DACH2: variants seen among roughly 807,000 people sequenced by gnomAD.
DACH2 encodes the protein dachshund family transcription factor 2, also known as dachshund homolog 2.
Under a neutral mutation model 35.8 loss-of-function variants are expected in DACH2, and 17 were observed. The observed-to-expected ratio is 0.48, with a 90% confidence interval of 0.33 to 0.71. The LOEUF is 0.71. DACH2 is among the 30% of genes least tolerant of loss of function. The pLI is 0.02. For missense variants in DACH2, 469 were observed against 472.7 expected (o/e 0.99, Z 0.07); for synonymous variants, 195 against 177.3 (o/e 1.10, Z -0.79).
intron 3 of DACH2, among the ~76,000 whole-genome samples, chrX:86,576,868 C>T (rs866634153): frequency 6.3e-5 from 7 of 110,794 alleles, no homozygotes; most frequent in Admixed American, 9.7e-5. Flanking sequence ...CACTTCCTCC[C>T]TTCCCATATA....
intron 6 of DACH2, among the ~76,000 whole-genome samples, chrX:86,724,264 T>C (rs2148467688): frequency 9.0e-6 from 1 of 110,588 alleles, no homozygotes; most frequent in South Asian, 3.8e-4. Context: ...CTCTTTCTCC[T>C]TTGTATGACT....
chrX:86,776,492 C>G (rs1168909363), intron 7 of DACH2, among the ~76,000 whole-genome samples: 1 of 112,113 alleles, frequency 8.9e-6, no homozygotes, highest in Non-Finnish European at 1.9e-5. Flanking sequence ...GAATGGTGTA[C>G]AAATGGGAAA....
intron 2 of DACH2, among the ~76,000 whole-genome samples, chrX:86,440,232 T>C (rs1175506973): frequency 1.8e-5 from 2 of 111,459 alleles, no homozygotes; most frequent in East Asian, 5.6e-4. Context: ...AGTCTCCTGC[T>C]CTAATAGTTG....
chrX:86,298,745 C>CA (rs1434972102), intron 1 of DACH2, among the ~76,000 whole-genome samples: 1 of 111,846 alleles, frequency 8.9e-6, no homozygotes, highest in Non-Finnish European at 1.9e-5. Context: ...ATTATTTTTA[C>CA]AAAAAAGGTT....
chrX:86,384,302 A>G (rs1382487163), intron 2 of DACH2, among the ~76,000 whole-genome samples: 1 of 111,620 alleles, frequency 9.0e-6, no homozygotes, highest in African/African-American at 3.2e-5. Flanking sequence ...CCTATTCTTA[A>G]AAGTTTGTCA....
Position 86,750,780 on chromosome X carries a change from T to A in DACH2, c.1240+10898T>A, listed in dbSNP as rs190760957. ...ACATATGGCAAGACTTCTGTCTTTT[T>A]TAAGGCTGAATAATATTTTATTGTA... On this transcript the variant is annotated intron_variant, in intron 7 of 11. Transcript: ENST00000373125. Among the ~76,000 whole-genome samples, 400 of 112,003 alleles carry A rather than the reference T, an allele frequency of 3.6e-3. 2 individuals carry two copies. The highest frequency in any genetic ancestry group is 0.012 in the African/African-American group (384 of 30,888).
At chrX:86,314,659 G>A (rs2034863160) in intron 1 of DACH2, among the ~76,000 whole-genome samples, 1 of 112,457 alleles carries the variant, frequency 8.9e-6, no homozygotes, top group Non-Finnish European at 1.9e-5. Context: ...AGTTAAAAAT[G>A]CTACATCAGT....
At chrX:86,254,381 A>G (rs1298107775) in intron 1 of DACH2, among the ~76,000 whole-genome samples, 2 of 110,317 alleles carry the variant, frequency 1.8e-5, no homozygotes. Flanking sequence ...CTTGTTTGTT[A>G]CCTTTCTAGA....
chrX:86,201,182 G>A (rs1216217075), intron 1 of DACH2, among the ~76,000 whole-genome samples: 1 of 109,158 alleles, frequency 9.2e-6, no homozygotes, highest in Non-Finnish European at 1.9e-5. Context: ...AAAGTAACAC[G>A]GGAAGAGAAA....
chrX:86,151,086 A>C (rs1385149098), intron 1 of DACH2, among the ~76,000 whole-genome samples: 4 of 111,418 alleles, frequency 3.6e-5, no homozygotes, highest in Non-Finnish European at 5.7e-5. Context: ...TATGATTTTG[A>C]TACTTTTCTC....
chrX:86,625,049 C>T (rs748766298), intron 3 of DACH2, among the ~76,000 whole-genome samples: 1 of 111,272 alleles, frequency 9.0e-6, no homozygotes, highest in East Asian at 2.8e-4. Context: ...TTAGTATGCC[C>T]GTTAGCAACC....
At chrX:86,222,854 A>G (rs1159288097) in intron 1 of DACH2, among the ~76,000 whole-genome samples, 3 of 110,950 alleles carry the variant, frequency 2.7e-5, no homozygotes, top group African/African-American at 9.8e-5. Context: ...GAAAGAAAGA[A>G]GGGAAATTAC....
At chrX:86,601,935 T>C (rs2039794922) in intron 3 of DACH2, among the ~76,000 whole-genome samples, 2 of 112,074 alleles carry the variant, frequency 1.8e-5, no homozygotes, top group Non-Finnish European at 3.8e-5. Flanking sequence ...TCTATAGTTA[T>C]TGATAAATGA....
At chrX:86,586,839 G>C (rs2039578067) in intron 3 of DACH2, among the ~76,000 whole-genome samples, 1 of 111,697 alleles carries the variant, frequency 9.0e-6, no homozygotes, top group South Asian at 3.7e-4. Flanking sequence ...AGTACAGTTT[G>C]AAGGCAGTTA....
At chrX:86,304,105 G>T (rs765378380) in intron 1 of DACH2, among the ~76,000 whole-genome samples, 2 of 112,096 alleles carry the variant, frequency 1.8e-5, no homozygotes, top group South Asian at 3.7e-4. Flanking sequence ...TTTGTGCCAA[G>T]AACACACAAT....
At chrX:86,212,866 T>A (rs894158433) in intron 1 of DACH2, among the ~76,000 whole-genome samples, 5 of 111,254 alleles carry the variant, frequency 4.5e-5, no homozygotes, top group African/African-American at 1.6e-4. Context: ...TTGCAGTCTA[T>A]TTTTTACTGC....
intron 1 of DACH2, among the ~76,000 whole-genome samples, chrX:86,181,874 A>G (rs2031505594): frequency 2.7e-5 from 3 of 112,015 alleles, no homozygotes; most frequent in African/African-American, 9.8e-5. Context: ...AATGGTCACC[A>G]TTCTAACTGG....
intron 4 of DACH2, among the ~76,000 whole-genome samples, chrX:86,672,993 C>T: frequency 8.9e-6 from 1 of 112,027 alleles, no homozygotes; most frequent in Non-Finnish European, 1.9e-5. Context: ...GTCTTGGAAG[C>T]TCGCCCCCTT....
chrX:86,756,256 A>G (rs1050213547), intron 7 of DACH2, among the ~76,000 whole-genome samples: 1 of 111,384 alleles, frequency 9.0e-6, no homozygotes, highest in Non-Finnish European at 1.9e-5. Context: ...TAGAATTGCT[A>G]TTCTACTTCC....
Sources: allele counts gnomAD v4.1 joint callset (sites outside exome capture counted in the v4.1 genomes callset), GRCh38; gene constraint gnomAD v4.1.1; transcripts MANE v1.5; gene names NCBI Gene and HGNC (gene_info 2026-07-23, HGNC 2026-07-21).